The following SGMS2 variants were observed in gnomAD, a reference collection of about 807,000 sequenced individuals.
SGMS2 encodes phosphatidylcholine:ceramide cholinephosphotransferase 2.
In SGMS2, 21 loss-of-function variants were observed where a neutral mutation model predicts 43.8. The ratio of observed to expected loss-of-function variants is 0.48; its 90% CI spans 0.34 to 0.69. The LOEUF (loss-of-function observed/expected upper bound fraction) is 0.69. Ranked by LOEUF, SGMS2 falls within the 30% of genes least tolerant of loss-of-function variation. The pLI, the probability that SGMS2 is intolerant of heterozygous loss-of-function variation, is 0.01. For synonymous variants in SGMS2, 167 were observed against 160.6 expected (o/e 1.04, Z -0.30); for missense variants, 384 against 443.2 (o/e 0.87, Z 1.20).
At position 107,895,964 on chromosome 4, in the gene SGMS2, A is replaced by G. The variant is rs752164503; in HGVS notation, c.411A>G (p.Ile137Met). The G allele has an allele frequency of 9.3e-6, 15 of 1,613,716 alleles. No individual in the cohort carries two copies. Among genetic ancestry groups the G allele is most frequent in the African/African-American group, 1.3e-5 (1 of 74,922 alleles). Residue 137 changes from isoleucine to methionine, a missense_variant, in exon 3 of 7, where the codon ATA becomes ATG. Physicochemically the swap from Ile to Met is conservative, Grantham distance 10 (BLOSUM62 1). Transcript: ENST00000690982. ...CTGTATCAGAAATAAATGGGATTAT[A>G]TTAGTTGGATTATGGATCACCCAGT... The part of the protein sequence containing the change: ...AFSVSEINGI[I>M]LVGLWITQWL...
At position 107,911,724 on chromosome 4, in the gene SGMS2, T is replaced by A. The variant is rs1044352084; in HGVS notation, c.*1171T>A. ...AACATGGTGCTGCACTATAATATAC[T>A]CTCGGAATCAGTGTGTTAGTTACAG... is the stretch of plus-strand genomic sequence containing the variant. On this transcript the variant is annotated 3_prime_UTR_variant, in exon 7 of 7. Coordinates refer to ENST00000690982, the MANE Select transcript of SGMS2 (RefSeq NM_001375905.1). The A allele has an allele frequency of 2.0e-5, 3 of 152,186 alleles. No homozygotes were observed. Among genetic ancestry groups the A allele is most frequent in the African/African-American group, 7.2e-5 (3 of 41,448 alleles). 9.4% of individuals were successfully genotyped at this position (152,186 alleles called of 1,614,324 possible).
chr4:107,868,065 T>C (rs1248940385), intron 2 of SGMS2, among the ~76,000 whole-genome samples: 2 of 152,170 alleles, frequency 1.3e-5, no homozygotes. Context: ...TAGCTCTGCA[T>C]GATCACAATG....
At chr4:107,843,095 T>A (rs541826733) in intron 1 of SGMS2, among the ~76,000 whole-genome samples, 28 of 152,192 alleles carry the variant, frequency 1.8e-4, no homozygotes, top group African/African-American at 6.7e-4. Context: ...AGTTTGTTTT[T>A]AAATGGTGTG....
At chr4:107,845,694 T>C (rs938068076) in intron 1 of SGMS2, among the ~76,000 whole-genome samples, 2 of 152,194 alleles carry the variant, frequency 1.3e-5, no homozygotes, top group African/African-American at 4.8e-5. Context: ...AGATGTCATT[T>C]TGGAAGTAAA....
intron 5 of SGMS2, among the ~76,000 whole-genome samples, chr4:107,906,318 G>C (rs1259090753): frequency 6.6e-6 from 1 of 152,150 alleles, no homozygotes; most frequent in East Asian, 1.9e-4. Context: ...GGACCATTTC[G>C]GGGTTAGCAA....
intron 5 of SGMS2, among the ~76,000 whole-genome samples, chr4:107,905,557 T>A (rs1273683691): frequency 6.6e-6 from 1 of 152,192 alleles, no homozygotes; most frequent in Non-Finnish European, 1.5e-5. Flanking sequence ...AGGAATGCAG[T>A]ATTTTTTCCC....
intron 1 of SGMS2, among the ~76,000 whole-genome samples, chr4:107,829,219 G>A (rs770637291): frequency 2.5e-4 from 38 of 152,150 alleles, no homozygotes; most frequent in Non-Finnish European, 5.3e-4. Context: ...TTTAATGAAA[G>A]TGCGAGAAAT....
At chr4:107,892,627 A>G (rs1165217603) in intron 2 of SGMS2, among the ~76,000 whole-genome samples, 2 of 152,188 alleles carry the variant, frequency 1.3e-5, no homozygotes, top group African/African-American at 4.8e-5. Context: ...TGAGACATCA[A>G]TCAACATATG....
intron 2 of SGMS2, among the ~76,000 whole-genome samples, chr4:107,870,560 C>T (rs189697523): frequency 2.1e-4 from 32 of 152,174 alleles, no homozygotes; most frequent in Non-Finnish European, 3.8e-4. Context: ...TAAAGATACC[C>T]GCCATTAACC....
At chr4:107,839,012 A>C (rs1339061568) in intron 1 of SGMS2, among the ~76,000 whole-genome samples, 3 of 152,110 alleles carry the variant, frequency 2.0e-5, no homozygotes, top group Non-Finnish European at 4.4e-5. Flanking sequence ...CCAGTGATTG[A>C]TTCTGAAGGC....
chr4:107,868,732 G>A (rs1728329656), intron 2 of SGMS2, among the ~76,000 whole-genome samples: 1 of 151,820 alleles, frequency 6.6e-6, no homozygotes, highest in Non-Finnish European at 1.5e-5. Flanking sequence ...AAAAAAAGTT[G>A]CTGCCATTTT....
chr4:107,903,220 T>C lies in SGMS2; in HGVS notation c.574-13T>C. The stretch of plus-strand genomic sequence containing the variant: ...CTTGTAAATTCCCTTCTTAATCTTC[T>C]TGTGTCATTCAGCTCAATGGAGACT... On this transcript the variant is annotated splice_polypyrimidine_tract_variant and intron_variant, in intron 4 of 6. Coordinates refer to ENST00000690982, the MANE Select transcript of SGMS2 (RefSeq NM_001375905.1). 1 of 1,613,588 alleles carries C rather than the reference T, an allele frequency of 6.2e-7. No homozygotes were observed. The highest frequency in any genetic ancestry group is 8.5e-7 in the Non-Finnish European group (1 of 1,179,554).
At chr4:107,879,563 G>A (rs1729190818) in intron 2 of SGMS2, among the ~76,000 whole-genome samples, 1 of 151,790 alleles carries the variant, frequency 6.6e-6, no homozygotes, top group African/African-American at 2.4e-5. Context: ...CCAGGTTCAA[G>A]TGATTCTCAT....
At chr4:107,877,928 T>TG in intron 2 of SGMS2, among the ~76,000 whole-genome samples, 1 of 145,186 alleles carries the variant, frequency 6.9e-6, no homozygotes, top group African/African-American at 2.6e-5. Flanking sequence ...TTTTTTTTTT[T>TG]TTTTTGAGAT....
intron 5 of SGMS2, chr4:107,907,050 T>C (rs1731637279): frequency 6.6e-6 from 1 of 152,110 alleles, no homozygotes; most frequent in Non-Finnish European, 1.5e-5. Flanking sequence ...ACACAACAGT[T>C]ATGGGGACTG....
At chr4:107,898,927 C>T (rs1034010040) in intron 3 of SGMS2, among the ~76,000 whole-genome samples, 5 of 152,102 alleles carry the variant, frequency 3.3e-5, no homozygotes, top group African/African-American at 1.2e-4. Context: ...TACACATTCA[C>T]TATTAAATGT....
chr4:107,856,638 G>A (rs548282397), intron 1 of SGMS2, among the ~76,000 whole-genome samples: 3 of 152,268 alleles, frequency 2.0e-5, no homozygotes, highest in South Asian at 4.1e-4. Flanking sequence ...CAAGTGAAAC[G>A]AGAAAAACAT....
chr4:107,883,336 A>G (rs1251235572), intron 2 of SGMS2, among the ~76,000 whole-genome samples: 1 of 152,168 alleles, frequency 6.6e-6, no homozygotes. Flanking sequence ...TATTTTTGAA[A>G]TAGAGTCTTG....
In SGMS2 at chr4:107,874,968, G is replaced by A. The variant is rs146441829; in HGVS notation, c.-245+16415G>A. The stretch of plus-strand genomic sequence containing the variant: ...AAGCCAATCTCTGAAGCCTATGATT[G>A]GAAGCACTGGTCAAATAAGTGCTTT... On this transcript the variant is annotated intron_variant, in intron 2 of 6. Coordinates refer to ENST00000690982, the MANE Select transcript of SGMS2 (RefSeq NM_001375905.1). 3.3e-5 allele frequency among the ~76,000 whole-genome samples: 5 copies of A among 152,224 alleles called. No individual in the cohort carries two copies. In the East Asian group the frequency reaches 9.6e-4, roughly 29 times the overall value.
Sources: allele counts gnomAD v4.1 joint callset (sites outside exome capture counted in the v4.1 genomes callset), GRCh38; gene constraint gnomAD v4.1.1; transcripts MANE v1.5; gene names NCBI Gene and HGNC (gene_info 2026-07-23, HGNC 2026-07-21).